The following MYOM2 variants were observed in gnomAD, a reference collection of about 807,000 sequenced individuals.
The protein encoded by MYOM2 is myomesin-2.
Under a neutral mutation model 187.6 loss-of-function variants are expected in MYOM2, and 254 were observed. The ratio of observed to expected loss-of-function variants is 1.35; its 90% CI spans 1.22 to 1.50. The LOEUF (loss-of-function observed/expected upper bound fraction) is 1.50, where lower values mean the gene tolerates loss of function less well. MYOM2 is among the 40% of genes most tolerant of loss of function. The pLI, the probability that MYOM2 is intolerant of heterozygous loss-of-function variation, is 0.00. For missense variants in MYOM2, 2,796 were observed against 1,924.0 expected, an observed-to-expected ratio of 1.45 and a Z score of -8.48; for synonymous variants, 981 against 753.8, an observed-to-expected ratio of 1.30 and a Z score of -4.94.
intron 32 of MYOM2, among the ~76,000 whole-genome samples, chr8:2,139,437 G>A (rs1426314248): frequency 6.6e-6 from 1 of 152,168 alleles, no homozygotes; most frequent in Non-Finnish European, 1.5e-5. Context: ...CACCACACCC[G>A]GCCTGAGCTG....
chr8:2,104,731 G>C (rs944758791), intron 21 of MYOM2, among the ~76,000 whole-genome samples: 2 of 152,062 alleles, frequency 1.3e-5, no homozygotes, highest in African/African-American at 4.8e-5. Flanking sequence ...AGGGCCTCCC[G>C]CTGCCCCACA....
chr8:2,072,572 T>C, intron 9 of MYOM2, 63 bp downstream of exon 9: 3 of 1,535,676 alleles, frequency 2.0e-6, no homozygotes, highest in Non-Finnish European at 2.6e-6. Context: ...AAATGTCCTT[T>C]AAATGTGGGT....
chr8:2,114,862 G>C (rs1031916568), intron 25 of MYOM2, among the ~76,000 whole-genome samples: 2 of 152,000 alleles, frequency 1.3e-5, no homozygotes, highest in African/African-American at 4.8e-5. Flanking sequence ...CCTGTAGCTG[G>C]GACCACAGGG....
chr8:2,109,784 G>GT (rs1000602621), intron 25 of MYOM2, among the ~76,000 whole-genome samples: 2 of 152,258 alleles, frequency 1.3e-5, no homozygotes, highest in African/African-American at 2.4e-5. Context: ...CTTTGAGCTT[G>GT]TTTTTTGTGA....
At chr8:2,068,182 C>T (rs1278828791) in intron 6 of MYOM2, among the ~76,000 whole-genome samples, 2 of 151,624 alleles carry the variant, frequency 1.3e-5, no homozygotes, top group Non-Finnish European at 1.5e-5. Flanking sequence ...CTGTGCACAC[C>T]AGGCCGAGAG....
At chr8:2,116,157 C>G (rs760700974) in intron 26 of MYOM2, 53 bp downstream of exon 26, 1 of 1,601,368 alleles carries the variant, frequency 6.2e-7, no homozygotes, top group Non-Finnish European at 8.5e-7. Context: ...AAATGAAATT[C>G]TTTTGACTGG....
chr8:2,132,096 C>G (rs776406340), intron 32 of MYOM2, among the ~76,000 whole-genome samples: 1 of 152,082 alleles, frequency 6.6e-6, no homozygotes, highest in Non-Finnish European at 1.5e-5. Context: ...TAGATAGCAA[C>G]TGGAAAAAAA....
chr8:2,071,636 G>A (rs768483654), intron 8 of MYOM2, among the ~76,000 whole-genome samples: 94 of 152,146 alleles, frequency 6.2e-4, no homozygotes, highest in Non-Finnish European at 1.1e-3. Flanking sequence ...TGCCTCTGAC[G>A]ACACCGCAAA....
At chr8:2,142,231 G>A (rs145023016) in intron 34 of MYOM2, 144 bp from the exon 35 acceptor site, 11 of 840,896 alleles carry the variant, frequency 1.3e-5, no homozygotes, top group East Asian at 2.4e-5. Context: ...CCTGTGACCC[G>A]AACATGTTCT....
At position 2,109,404 on chromosome 8, in the gene MYOM2, T is replaced by G; in HGVS notation, c.3053T>G (p.Leu1018Arg). The G allele has an allele frequency of 6.2e-7, 1 of 1,606,058 alleles. No individual in the cohort carries two copies. Among genetic ancestry groups the G allele is most frequent in the Non-Finnish European group, 8.5e-7 (1 of 1,176,562 alleles). The change falls in exon 25 of 37, where the codon CTG (leucine) becomes CGG (arginine). Residue 1018 changes from leucine (L) to arginine (R), a missense_variant. Coordinates refer to ENST00000262113, the MANE Select transcript of MYOM2 (RefSeq NM_003970.4). ...TCTTTTCTTCCTGTAGCAATTCCTC[T>G]GAAATCGGAATTAGCTTATGAGATT... is the stretch of plus-strand genomic sequence containing the variant. ...SNEIKNPTIP[L>R]KSELAYEIFD...
intron 14 of MYOM2, among the ~76,000 whole-genome samples, chr8:2,088,448 G>T (rs150070993): frequency 6.6e-6 from 1 of 152,198 alleles, no homozygotes; most frequent in Non-Finnish European, 1.5e-5. Context: ...GTAGGCCTCA[G>T]TGTCTATCGT....
intron 15 of MYOM2, among the ~76,000 whole-genome samples, chr8:2,091,531 G>A (rs1451384567): frequency 1.3e-5 from 2 of 152,202 alleles, no homozygotes; most frequent in Non-Finnish European, 2.9e-5. Flanking sequence ...TTGGTGTCAG[G>A]AACGCGGTTC....
Position 2,115,494 on chromosome 8 carries a change from C to T in MYOM2, c.3181-466C>T, listed in dbSNP as rs896269768. On this transcript the variant is annotated intron_variant, in intron 25 of 36. Coordinates refer to ENST00000262113, the MANE Select transcript of MYOM2 (RefSeq NM_003970.4). ...CTTTCCTCACCTGAAACCCCTGCAC[C>T]CTGATGGACCACAGCAGGCTGGGGC... 6.6e-5 allele frequency among the ~76,000 whole-genome samples: 10 copies of T among 152,194 alleles called. No individual in the cohort carries two copies. The South Asian group carries it at 8.3e-4, about 13-fold the overall frequency.
chr8:2,131,097 G>T (rs1260114874), intron 32 of MYOM2, among the ~76,000 whole-genome samples: 1 of 152,204 alleles, frequency 6.6e-6, no homozygotes, highest in South Asian at 2.1e-4. Flanking sequence ...GGGTCTGGGG[G>T]GTACAGAGAT....
chr8:2,072,221 A>G (rs1191392530), intron 8 of MYOM2, 124 bp from the exon 9 acceptor site: 7 of 281,880 alleles, frequency 2.5e-5, no homozygotes, highest in South Asian at 1.2e-4. Flanking sequence ...ACAGAGCGAG[A>G]CTCCGTCCCC....
chr8:2,055,169 G>C (rs1172570389), intron 3 of MYOM2, among the ~76,000 whole-genome samples: 1 of 151,172 alleles, frequency 6.6e-6, no homozygotes, highest in Non-Finnish European at 1.5e-5. Flanking sequence ...CAAGTACCTG[G>C]ATACTGGGGC....
chr8:2,079,606 C>T lies in MYOM2; in HGVS notation c.1509C>T (p.Asp503=), dbSNP rs754024344. Residue 503 remains aspartate, a synonymous_variant, in exon 13 of 37, where the codon GAC becomes GAT. Coordinates refer to ENST00000262113, the MANE Select transcript of MYOM2 (RefSeq NM_003970.4). The stretch of plus-strand genomic sequence containing the variant: ...AGGAGATTGCCATTTATCAGGATGA[C>T]CTTGAAGGTAAGTAGCACCTCATCA... ...GEKEIAIYQD[D]LEGDAQVPGP... is the part of the protein sequence containing the mutation. 1.2e-5 allele frequency: 20 copies of T among 1,613,950 alleles called. No individual in the cohort carries two copies. In the East Asian group the frequency reaches 4.0e-4, roughly 32 times the overall value.
intron 16 of MYOM2, 94 bp downstream of exon 16, chr8:2,092,614 G>C: frequency 7.5e-7 from 1 of 1,339,446 alleles, no homozygotes; most frequent in South Asian, 1.4e-5. Context: ...TACCATGGCC[G>C]CAAGGCTTCT....
chr8:2,057,764 A>G lies in MYOM2; in HGVS notation c.544A>G (p.Thr182Ala), dbSNP rs1466331798. Residue 182 changes from threonine to alanine, a missense_variant, in exon 5 of 37, where the codon ACG becomes GCG. Coordinates refer to ENST00000262113, the MANE Select transcript of MYOM2 (RefSeq NM_003970.4). ...CTGCTTCACCGTGCAAGGATTTCCCACGCCCGTGGTGCAGTGGTGAGGGGC... is the reference window on the plus strand; with the variant it reads ...CTGCTTCACCGTGCAAGGATTTCCCGCGCCCGTGGTGCAGTGGTGAGGGGC... ...KLCFTVQGFP[T>A]PVVQWYKDGS... The G allele has an allele frequency of 6.2e-7, 1 of 1,614,040 alleles. No individual in the cohort carries two copies. Among genetic ancestry groups the G allele is most frequent in the South Asian group, 1.1e-5 (1 of 91,064 alleles).
Sources: gnomAD v4.1 joint callset for allele counts (sites outside exome capture counted in the v4.1 genomes callset) on GRCh38, gnomAD v4.1.1 for gene constraint, MANE v1.5 for transcripts, NCBI Gene and HGNC (gene_info 2026-07-23, HGNC 2026-07-21) for gene names.